GALNT14: variants seen among roughly 807,000 people sequenced by gnomAD.
GALNT14 encodes UDP-GalNAc:polypeptide N-acetylgalactosaminyltransferase 14.
GALNT14 carries 60 observed loss-of-function variants against 77.5 expected under a neutral mutation model. That is an observed-to-expected ratio of 0.77 (90% CI 0.63 to 0.96). The LOEUF is 0.96. GALNT14 is among the 40% of genes least tolerant of loss of function. GALNT14 has a pLI of 0.00. For missense variants in GALNT14, 710 were observed against 731.0 expected (o/e 0.97, Z 0.33); for synonymous variants, 280 against 281.7 (o/e 0.99, Z 0.06).
At chr2:31,014,539 G>A (rs1370391041) in intron 1 of GALNT14, among the ~76,000 whole-genome samples, 1 of 152,172 alleles carries the variant, frequency 6.6e-6, no homozygotes, top group East Asian at 1.9e-4. Context: ...TGTGGATCCA[G>A]CTGCTTGCCA....
At chr2:31,049,446 G>A (rs557991629) in intron 1 of GALNT14, among the ~76,000 whole-genome samples, 49 of 152,212 alleles carry the variant, frequency 3.2e-4, no homozygotes, top group Non-Finnish European at 5.1e-4. Flanking sequence ...GTCACCAGGG[G>A]ACACTAGCTA....
intron 1 of GALNT14, among the ~76,000 whole-genome samples, chr2:31,019,273 G>C (rs1347849163): frequency 2.6e-5 from 4 of 152,148 alleles, no homozygotes; most frequent in African/African-American, 9.7e-5. Context: ...AAATAATGTC[G>C]TCTTAATTTA....
intron 13 of GALNT14, among the ~76,000 whole-genome samples, chr2:30,923,051 C>T (rs942211072): frequency 6.3e-5 from 9 of 143,792 alleles, no homozygotes; most frequent in South Asian, 2.2e-4. Context: ...CATAGACAAA[C>T]GTGCCTTTTT....
At chr2:30,889,517 C>A in the GALNT14 span, among the ~76,000 whole-genome samples, 2 of 152,220 alleles carry the variant, frequency 1.3e-5, no homozygotes, top group East Asian at 3.8e-4. Flanking sequence ...TTGTATAGAA[C>A]CCCACTGCTT....
chr2:30,931,830 G>T (rs779363397), intron 10 of GALNT14, among the ~76,000 whole-genome samples: 2 of 152,072 alleles, frequency 1.3e-5, no homozygotes, highest in African/African-American at 2.4e-5. Context: ...GAGGCCTCAT[G>T]TGGGGCCTTC....
intron 1 of GALNT14, among the ~76,000 whole-genome samples, chr2:31,009,467 C>A (rs957159526): frequency 1.1e-4 from 17 of 152,202 alleles, no homozygotes; most frequent in Admixed American, 1.1e-3. Context: ...TCCCTCCTCT[C>A]CACTCGTTAC....
intron 1 of GALNT14, among the ~76,000 whole-genome samples, chr2:31,008,386 T>C (rs1258422015): frequency 6.6e-6 from 1 of 152,134 alleles, no homozygotes; most frequent in African/African-American, 2.4e-5. Flanking sequence ...TATGAACCAC[T>C]GCACCCTGCC....
intron 13 of GALNT14, among the ~76,000 whole-genome samples, chr2:30,921,840 A>T (rs988644550): frequency 2.0e-5 from 3 of 152,016 alleles, no homozygotes; most frequent in African/African-American, 7.3e-5. Context: ...TGTGGTGGGG[A>T]GGTGCTGCTG....
At chr2:31,119,031 C>G (rs1343870831) in intron 1 of GALNT14, among the ~76,000 whole-genome samples, 3 of 151,878 alleles carry the variant, frequency 2.0e-5, no homozygotes, top group East Asian at 1.9e-4. Context: ...GAAGAAAATA[C>G]AGTTGAATCC....
intron 1 of GALNT14, among the ~76,000 whole-genome samples, chr2:31,043,009 G>T (rs1007010960): frequency 6.6e-6 from 1 of 152,048 alleles, no homozygotes; most frequent in Non-Finnish European, 1.5e-5. Context: ...TATGGCCACG[G>T]TCACCTGTCT....
chr2:31,066,400 A>C (rs1382697625), intron 1 of GALNT14, among the ~76,000 whole-genome samples: 2 of 74,984 alleles, frequency 2.7e-5, no homozygotes, highest in Admixed American at 1.3e-4. Flanking sequence ...CAGCTGCGAA[A>C]GGGTGCGGGG....
chr2:31,021,566 A>G (rs1006994918), intron 1 of GALNT14, among the ~76,000 whole-genome samples: 3 of 152,114 alleles, frequency 2.0e-5, no homozygotes, highest in Non-Finnish European at 4.4e-5. Flanking sequence ...TCAGCCTCCC[A>G]AAGTGCTGGG....
At chr2:31,089,348 T>C (rs1414306080) in intron 1 of GALNT14, among the ~76,000 whole-genome samples, 3 of 152,176 alleles carry the variant, frequency 2.0e-5, no homozygotes, top group Non-Finnish European at 4.4e-5. Flanking sequence ...GACATAGTGA[T>C]GGTCATGCTG....
At chr2:30,940,526 G>A (rs1004073711) in intron 9 of GALNT14, among the ~76,000 whole-genome samples, 8 of 152,192 alleles carry the variant, frequency 5.3e-5, no homozygotes, top group African/African-American at 1.9e-4. Flanking sequence ...GTGAAATAGC[G>A]AATGCATCAT....
chr2:31,078,124 G>A (rs1675917214), intron 1 of GALNT14, among the ~76,000 whole-genome samples: 1 of 152,192 alleles, frequency 6.6e-6, no homozygotes, highest in East Asian at 1.9e-4. Context: ...TGGCTCCAGT[G>A]GAGACAGTGC....
intron 1 of GALNT14, among the ~76,000 whole-genome samples, chr2:31,018,185 G>A (rs1436957122): frequency 6.6e-6 from 1 of 152,240 alleles, no homozygotes; most frequent in Non-Finnish European, 1.5e-5. Flanking sequence ...GGGCAGCAGG[G>A]CCCTCCAGGT....
chr2:30,936,179 T>G (rs150489386), intron 9 of GALNT14, among the ~76,000 whole-genome samples: 150 of 151,798 alleles, frequency 9.9e-4, no homozygotes, highest in African/African-American at 3.5e-3. Flanking sequence ...CCGCCCTCCA[T>G]TCCCCCCACT....
chr2:31,026,698 T>A (rs1038407261), intron 1 of GALNT14, among the ~76,000 whole-genome samples: 3 of 152,218 alleles, frequency 2.0e-5, no homozygotes, highest in Non-Finnish European at 4.4e-5. Flanking sequence ...TCTTTTCCAA[T>A]CTCTGGCCTT....
intron 1 of GALNT14, among the ~76,000 whole-genome samples, chr2:31,083,374 T>C (rs895079309): frequency 4.6e-5 from 7 of 152,218 alleles, no homozygotes; most frequent in Non-Finnish European, 7.3e-5. Context: ...GCTTTTCCCT[T>C]CAAGGCACTT....
Sources: allele counts gnomAD v4.1 joint callset (sites outside exome capture counted in the v4.1 genomes callset), GRCh38; gene constraint gnomAD v4.1.1; transcripts MANE v1.5; gene names NCBI Gene and HGNC (gene_info 2026-07-23, HGNC 2026-07-21).